Variants in RHEBL1 observed in about 807,000 individuals in gnomAD.
RHEBL1 encodes RHEB like 1.
A neutral mutation model predicts 27.4 loss-of-function variants in RHEBL1; 22 were observed. The observed-to-expected ratio is 0.80, with a 90% CI of 0.57 to 1.15. The LOEUF is 1.15. Ranked by LOEUF, RHEBL1 falls within the 50% of genes most tolerant of loss-of-function variation. RHEBL1 has a pLI of 0.00. For missense variants in RHEBL1, 186 were observed against 226.5 expected, an observed-to-expected ratio of 0.82 and a Z score of 1.15; for synonymous variants, 85 against 80.8, an observed-to-expected ratio of 1.05 and a Z score of -0.28.
chr12:49,069,284 G>T, intron 1 of RHEBL1, 178 bp from the exon 2 acceptor site: 1 of 1,091,652 alleles, frequency 9.2e-7, no homozygotes, highest in Non-Finnish European at 1.3e-6. Context: ...CAGGGTCTCC[G>T]CACTTTGGCT....
Position 49,066,299 on chromosome 12 carries a change from CT to C in RHEBL1, c.333-22del, listed in dbSNP as rs1227694710. On this transcript the variant is annotated intron_variant, in intron 5 of 7. Transcript: ENST00000301068. ...GCACCCTGTGAGGAAACAGCAGTTA[CT>C]TCAGAATCCCCTCATTCCCCGCATT... 12 of 1,612,270 alleles carry C rather than the reference CT, an allele frequency of 7.4e-6. No homozygotes were observed. The South Asian group carries it at 1.3e-4, about 18-fold the overall frequency.
chr12:49,069,458 G>A (rs2120772065), intron 1 of RHEBL1, among the ~76,000 whole-genome samples: 2 of 150,016 alleles, frequency 1.3e-5, no homozygotes, highest in South Asian at 4.4e-4. Context: ...TTCAAATTGT[G>A]ACCCCACCCC....
chr12:49,068,119 A>ATTCTTTTTTTTTT (rs1412231084), intron 2 of RHEBL1, among the ~76,000 whole-genome samples: 1 of 134,108 alleles, frequency 7.5e-6, no homozygotes. Flanking sequence ...CATTCTTTTT[A>ATTCTTTTTTTTTT]TTCTTTTTTT....
intron 7 of RHEBL1, 65 bp downstream of exon 7, chr12:49,065,285 A>G (rs1226109754): frequency 6.4e-7 from 1 of 1,561,292 alleles, no homozygotes; most frequent in Non-Finnish European, 8.8e-7. Flanking sequence ...CATTCCCACC[A>G]CCAAGCAGTA....
chr12:49,069,188 C>G (rs1454193945), intron 1 of RHEBL1, 82 bp from the exon 2 acceptor site: 2 of 1,608,030 alleles, frequency 1.2e-6, no homozygotes, highest in Admixed American at 3.4e-5. Flanking sequence ...TGGCCCAGGA[C>G]CAAAGGAGAC....
At position 49,069,957 on chromosome 12, in the gene RHEBL1, G is replaced by A. The variant is rs1225078636; in HGVS notation, c.-172C>T. On this transcript the variant is annotated 5_prime_UTR_variant, in exon 1 of 8. Transcript: ENST00000301068. ...GCGCCGCGCCCGGAGCTGCCCACGTGATCACAACACAGCACGTCTAACGCC... is the reference window on the plus strand; with the variant it reads ...GCGCCGCGCCCGGAGCTGCCCACGTAATCACAACACAGCACGTCTAACGCC... 3.1e-6 allele frequency: 2 copies of A among 638,368 alleles called. No individual in the cohort carries two copies. The highest frequency in any genetic ancestry group is 2.5e-5 in the Admixed American group (1 of 40,532). 39.5% of individuals were successfully genotyped at this position (638,368 alleles called of 1,614,324 possible). A position where few individuals can be genotyped will look rare whatever the true frequency, so the allele number is the denominator to read the frequency against.
Position 49,069,902 on chromosome 12 carries a change from C to G in RHEBL1, c.-117G>C. ...GGAAAGTCGCTCACCCCGAAGCTGC[C>G]GTGGGCAAGTTAGAAGGAAACCAAA... On this transcript the variant is annotated 5_prime_UTR_variant, in exon 1 of 8. Coordinates refer to ENST00000301068, the MANE Select transcript of RHEBL1 (RefSeq NM_144593.3). 1.2e-6 allele frequency: 1 copy of G among 850,898 alleles called. No individual in the cohort carries two copies. The highest frequency in any genetic ancestry group is 2.6e-5 in the East Asian group (1 of 38,106). The allele number at this position is 850,898 out of a possible 1,614,324, so 52.7% of individuals were successfully genotyped here.
At chr12:49,068,198 C>T (rs375867227) in intron 2 of RHEBL1, among the ~76,000 whole-genome samples, 10 of 150,700 alleles carry the variant, frequency 6.6e-5, no homozygotes, top group African/African-American at 2.4e-4. Context: ...GGCACGATCT[C>T]GGCTCACTGC....
chr12:49,066,676 G>T lies in RHEBL1; in HGVS notation c.218C>A (p.Ser73Ter), dbSNP rs748276683. 1 of 1,614,040 alleles carries T rather than the reference G, an allele frequency of 6.2e-7. No homozygotes were observed. The highest frequency in any genetic ancestry group is 1.1e-5 in the South Asian group (1 of 91,078). The change falls in exon 4 of 8, where the codon TCA becomes TAA. Residue 73 changes from serine to a stop codon, truncating the protein, a stop_gained. Transcript: ENST00000301068. LOFTEE classifies it high-confidence loss of function. Reference protein sequence around the residue: ...GQDEYSILPYSFIIGVHGYVL... With the variant: ...GQDEYSILPY ...ATAACCATGGACCCCAATGATGAAT[G>T]AATAGGGCAGAATGCTGTACTCATC... is the stretch of plus-strand genomic sequence containing the variant.
intron 6 of RHEBL1, among the ~76,000 whole-genome samples, chr12:49,065,739 C>T (rs1938986130): frequency 6.6e-6 from 1 of 152,138 alleles, no homozygotes; most frequent in Admixed American, 6.5e-5. Context: ...TCCTGGCTAA[C>T]ATGGTGAAAC....
intron 1 of RHEBL1, 185 bp from the exon 2 acceptor site, chr12:49,069,291 G>T (rs2120770949): frequency 4.9e-6 from 5 of 1,021,114 alleles, no homozygotes; most frequent in Non-Finnish European, 6.9e-6. Context: ...TCCGCACTTT[G>T]GCTACCGGAT....
intron 2 of RHEBL1, 123 bp downstream of exon 2, chr12:49,068,912 T>C: frequency 9.9e-7 from 1 of 1,010,576 alleles, no homozygotes; most frequent in East Asian, 2.5e-5. Flanking sequence ...AAAGAAGAAA[T>C]CAGATGTAAT....
chr12:49,065,050 A>C lies in RHEBL1; in HGVS notation c.*53T>G. ...GTCCTGAGGATCTGCCCCCCACTGG[A>C]ACATGGCAAGTGCCGGGGGCAGAAG... On this transcript the variant is annotated 3_prime_UTR_variant, in exon 8 of 8. Coordinates refer to ENST00000301068, the MANE Select transcript of RHEBL1 (RefSeq NM_144593.3). The C allele has an allele frequency of 7.5e-7, 1 of 1,339,360 alleles. No homozygotes were observed. The highest frequency in any genetic ancestry group is 1.1e-6 in the Non-Finnish European group (1 of 929,906). 83.0% of individuals were successfully genotyped at this position (1,339,360 alleles called of 1,614,324 possible).
At chr12:49,069,680 C>T in intron 1 of RHEBL1, 54 bp downstream of exon 1, 1 of 1,552,760 alleles carries the variant, frequency 6.4e-7, no homozygotes. Context: ...GGCAGCGCGC[C>T]TCTTCTGGCT....
chr12:49,066,733 A>C lies in RHEBL1; in HGVS notation c.193-32T>G, dbSNP rs942767111. ...AGAAATGGGAAACATCAGTACCTAG[A>C]TCCAAACCACTAAGATGGCAAAGGT... On this transcript the variant is annotated intron_variant, in intron 3 of 7. Transcript: ENST00000301068. 5 of 1,589,980 alleles carry C rather than the reference A, an allele frequency of 3.1e-6. No homozygotes were observed. The African/African-American group carries it at 6.7e-5, about 21-fold the overall frequency.
intron 2 of RHEBL1, among the ~76,000 whole-genome samples, chr12:49,068,400 G>A (rs933667750): frequency 6.7e-6 from 1 of 149,650 alleles, no homozygotes; most frequent in Non-Finnish European, 1.5e-5. Flanking sequence ...CAAAGAACTG[G>A]GATTACAGGC....
At position 49,065,753 on chromosome 12, in the gene RHEBL1, G is replaced by A. The variant is rs1409224763; in HGVS notation, c.381-322C>T. Among the ~76,000 whole-genome samples, 7 of 152,100 alleles carry A rather than the reference G, an allele frequency of 4.6e-5. No homozygotes were observed. In the South Asian group the frequency reaches 6.2e-4, roughly 14 times the overall value. On this transcript the variant is annotated intron_variant, in intron 6 of 7. Transcript: ENST00000301068. Reference sequence around the variant, plus strand: ...ATCCTGGCTAACATGGTGAAACCCCGTCTCTACTAAAAATACAAAAAATTA... The same window carrying A: ...ATCCTGGCTAACATGGTGAAACCCCATCTCTACTAAAAATACAAAAAATTA...
chr12:49,069,161 T>G, intron 1 of RHEBL1, 55 bp from the exon 2 acceptor site: 1 of 1,613,628 alleles, frequency 6.2e-7, no homozygotes, highest in Non-Finnish European at 8.5e-7. Flanking sequence ...ATTCACATCC[T>G]CTGTCCTTTC....
At position 49,069,829 on chromosome 12, in the gene RHEBL1, G is replaced by C. The variant is rs760771045; in HGVS notation, c.-44C>G. 1.3e-6 allele frequency: 2 copies of C among 1,589,672 alleles called. No homozygotes were observed. The highest frequency in any genetic ancestry group is 2.2e-5 in the South Asian group (2 of 90,600). On this transcript the variant is annotated 5_prime_UTR_variant, in exon 1 of 8. Transcript: ENST00000301068. ...GGGCTTGCGGAACTGCGGGCTCAGA[G>C]AGCCCGAAAACGAGGTCAGGGTGTG...
Sources: gnomAD v4.1 joint callset for allele counts (sites outside exome capture counted in the v4.1 genomes callset) on GRCh38, gnomAD v4.1.1 for gene constraint, MANE v1.5 for transcripts, NCBI Gene and HGNC (gene_info 2026-07-23, HGNC 2026-07-21) for gene names.